KDM4C: variants seen among roughly 807,000 people sequenced by gnomAD.
The protein encoded by KDM4C is lysine-specific demethylase 4C.
In KDM4C, 81 loss-of-function variants were observed where a neutral mutation model predicts 129.3. The observed-to-expected ratio is 0.63, with a 90% CI of 0.52 to 0.75. The LOEUF is 0.75. KDM4C is among the 30% of genes least tolerant of loss of function. The probability of loss-of-function intolerance (pLI) is 0.00; values close to 1 mark genes in which losing one functional copy is unlikely to be tolerated. For synonymous variants in KDM4C, 573 were observed against 456.1 expected (o/e 1.26, Z -3.26); for missense variants, 1,457 against 1,304.0 (o/e 1.12, Z -1.81).
intron 17 of KDM4C, among the ~76,000 whole-genome samples, chr9:7,061,305 G>T (rs577689048): frequency 1.3e-5 from 2 of 152,270 alleles, no homozygotes; most frequent in African/African-American, 2.4e-5. Context: ...GATACACCAG[G>T]ATGCATATCA....
At chr9:6,721,044 G>C in intron 1 of KDM4C, 1 of 1,493,170 alleles carries the variant, frequency 6.7e-7, no homozygotes, top group Non-Finnish European at 9.1e-7. Flanking sequence ...TACATAGTTG[G>C]TGGTTCTGTC....
At chr9:6,945,203 TTCTC>T (rs1011915603) in intron 8 of KDM4C, among the ~76,000 whole-genome samples, 2 of 152,192 alleles carry the variant, frequency 1.3e-5, no homozygotes, top group Admixed American at 6.5e-5. Context: ...GAAGCTTGTT[TTCTC>T]TCTCATTTTT....
At chr9:6,956,315 G>T (rs771764191) in intron 8 of KDM4C, among the ~76,000 whole-genome samples, 4 of 152,078 alleles carry the variant, frequency 2.6e-5, no homozygotes, top group Admixed American at 6.5e-5. Context: ...TCCCCATGAT[G>T]TGCTTATTTC....
chr9:6,957,073 A>G (rs1829194968), intron 8 of KDM4C, among the ~76,000 whole-genome samples: 1 of 152,162 alleles, frequency 6.6e-6, no homozygotes, highest in Non-Finnish European at 1.5e-5. Flanking sequence ...AGTGGGGCTG[A>G]TTAATATGAG....
intron 1 of KDM4C, among the ~76,000 whole-genome samples, chr9:6,746,429 C>T (rs1363964658): frequency 6.6e-6 from 1 of 150,470 alleles, no homozygotes; most frequent in Non-Finnish European, 1.5e-5. Flanking sequence ...CCACAACGCC[C>T]GGCTAATTTT....
chr9:7,021,019 TG>T, intron 15 of KDM4C, among the ~76,000 whole-genome samples: 1 of 152,020 alleles, frequency 6.6e-6, no homozygotes, highest in Non-Finnish European at 1.5e-5. Flanking sequence ...TCCTAGTCTC[TG>T]GCTTCATGTG....
intron 8 of KDM4C, among the ~76,000 whole-genome samples, chr9:6,915,048 C>T (rs146042443): frequency 1.5e-4 from 23 of 152,266 alleles, no homozygotes; most frequent in Non-Finnish European, 1.6e-4. Flanking sequence ...TTGAAATTCT[C>T]GAGTTAGTCT....
At chr9:7,011,430 T>G (rs1315202922) in intron 12 of KDM4C, among the ~76,000 whole-genome samples, 1 of 151,972 alleles carries the variant, frequency 6.6e-6, no homozygotes, top group Non-Finnish European at 1.5e-5. Flanking sequence ...GAGGGAACAG[T>G]GTAATTATTT....
At chr9:6,925,368 A>C (rs1345395001) in intron 8 of KDM4C, 4 of 985,146 alleles carry the variant, frequency 4.1e-6, no homozygotes, top group Non-Finnish European at 4.8e-6. Context: ...AGAGAAGCTC[A>C]GTTCTCTTTG....
chr9:6,760,069 A>T (rs1046620375), intron 1 of KDM4C, among the ~76,000 whole-genome samples: 5 of 152,076 alleles, frequency 3.3e-5, no homozygotes, highest in African/African-American at 1.2e-4. Flanking sequence ...TCCCCAAAAG[A>T]AGCTCTGTTC....
chr9:6,844,417 C>T (rs1267195713), intron 4 of KDM4C, among the ~76,000 whole-genome samples: 2 of 152,158 alleles, frequency 1.3e-5, no homozygotes, highest in Non-Finnish European at 2.9e-5. Flanking sequence ...TTTTGTTTTA[C>T]TGACTTAAAC....
rs1390821825 is a variant in KDM4C at position 7,138,285 on chromosome 9, A to G, written c.2781+10049A>G. Reference sequence around the variant, plus strand: ...TGGTTGTGTGTGTTTCTGCAAATCAATTTCCCTCTATCATCTAATTTTTTG... The same window carrying G: ...TGGTTGTGTGTGTTTCTGCAAATCAGTTTCCCTCTATCATCTAATTTTTTG... On this transcript the variant is annotated intron_variant, in intron 19 of 21. Transcript: ENST00000381309. Among the ~76,000 whole-genome samples the G allele has an allele frequency of 3.3e-5, 5 of 152,134 alleles. 1 individual carries two copies. Among genetic ancestry groups the G allele is most frequent in the African/African-American group, 9.7e-5 (4 of 41,420 alleles).
At chr9:6,777,118 G>T (rs1823248917) in intron 1 of KDM4C, among the ~76,000 whole-genome samples, 1 of 152,180 alleles carries the variant, frequency 6.6e-6, no homozygotes, top group African/African-American at 2.4e-5. Context: ...TCTGTAGTCA[G>T]TTGTCTAATC....
intron 4 of KDM4C, among the ~76,000 whole-genome samples, chr9:6,843,697 A>T (rs1479608442): frequency 6.6e-6 from 1 of 152,220 alleles, no homozygotes; most frequent in Non-Finnish European, 1.5e-5. Context: ...CCAGTGCAGC[A>T]TGGTGCTATT....
At chr9:7,040,331 C>CTCCCTCCCTTCCTCTT (rs1828346185) in intron 15 of KDM4C, among the ~76,000 whole-genome samples, 1 of 150,712 alleles carries the variant, frequency 6.6e-6, no homozygotes, top group Non-Finnish European at 1.5e-5. Context: ...CTTTCCCTCC[C>CTCCCTCCCTTCCTCTT]TCCCTCCCTT....
At chr9:7,171,563 T>G (rs1390905139) in intron 21 of KDM4C, among the ~76,000 whole-genome samples, 1 of 152,104 alleles carries the variant, frequency 6.6e-6, no homozygotes, top group African/African-American at 2.4e-5. Context: ...TCTCAAAGTC[T>G]CTTGGGTCTT....
chr9:7,074,556 C>G (rs1028452354), intron 17 of KDM4C, among the ~76,000 whole-genome samples: 3 of 152,052 alleles, frequency 2.0e-5, no homozygotes, highest in African/African-American at 7.2e-5. Flanking sequence ...GATGTTTGAC[C>G]ACGTTATTTT....
intron 5 of KDM4C, among the ~76,000 whole-genome samples, chr9:6,853,098 A>G (rs1269922287): frequency 6.6e-6 from 1 of 151,906 alleles, no homozygotes; most frequent in Non-Finnish European, 1.5e-5. Flanking sequence ...TATAGGAGCG[A>G]TGCCCTGTAA....
intron 1 of KDM4C, among the ~76,000 whole-genome samples, chr9:6,737,000 A>G (rs975175030): frequency 2.0e-5 from 3 of 150,304 alleles, no homozygotes; most frequent in Non-Finnish European, 3.0e-5. Flanking sequence ...GCAGTGAGCC[A>G]AGATCACACC....
Sources: gnomAD v4.1 joint callset for allele counts (sites outside exome capture counted in the v4.1 genomes callset) on GRCh38, gnomAD v4.1.1 for gene constraint, MANE v1.5 for transcripts, NCBI Gene and HGNC (gene_info 2026-07-23, HGNC 2026-07-21) for gene names.